The following DET1 variants were observed in gnomAD, a reference collection of about 807,000 sequenced individuals.
The protein encoded by DET1 is DET1 homolog.
DET1 carries 22 observed loss-of-function variants against 43.7 expected under a neutral mutation model. That is an observed-to-expected ratio of 0.50 (90% CI 0.36 to 0.72). The LOEUF is 0.72. Among genes scored for constraint, DET1 ranks in the 30% least tolerant of loss-of-function variants. The probability of loss-of-function intolerance (pLI) is 0.00; values close to 1 mark genes in which losing one functional copy is unlikely to be tolerated. For synonymous variants in DET1, 315 were observed against 266.2 expected (o/e 1.18, Z -1.79); for missense variants, 713 against 713.3 (o/e 1.00, Z 0.00).
chr15:88,534,413 G>T (rs1204809871), intron 1 of DET1, among the ~76,000 whole-genome samples: 2 of 152,194 alleles, frequency 1.3e-5, no homozygotes, highest in Non-Finnish European at 2.9e-5. Flanking sequence ...GGGCAGTGAG[G>T]TTAACATTGT....
At chr15:88,502,349 A>AT (rs1310978617) in intron 8 of DET1, 1 of 151,774 alleles carries the variant, frequency 6.6e-6, no homozygotes, top group Middle Eastern at 3.4e-3. Context: ...GCCCCTCTCT[A>AT]TTCTTTCAAC....
downstream of DET1, among the ~76,000 whole-genome samples, chr15:88,510,770 TG>T (rs372022348): frequency 4.1e-5 from 6 of 146,046 alleles, no homozygotes; most frequent in African/African-American, 1.5e-4. Flanking sequence ...TTTTTTTTTT[TG>T]TTTTTTTTTT....
At chr15:88,511,486 C>T (rs915786671), downstream of DET1, 17 of 985,326 alleles carry the variant, frequency 1.7e-5, no homozygotes, top group Non-Finnish European at 1.9e-5. Flanking sequence ...GAAACATCTT[C>T]AACTCTTGGT....
At chr15:88,529,251 T>G (rs2142303396) in intron 2 of DET1, among the ~76,000 whole-genome samples, 1 of 152,368 alleles carries the variant, frequency 6.6e-6, no homozygotes, top group South Asian at 2.1e-4. Context: ...TCTATGGCCC[T>G]GGACAACACT....
downstream of DET1, among the ~76,000 whole-genome samples, chr15:88,509,282 C>G (rs116214674): frequency 5.5e-3 from 840 of 152,284 alleles, 10 homozygotes; most frequent in African/African-American, 0.019. Flanking sequence ...TCCCAAAGCA[C>G]TGAGATTATA....
chr15:88,533,852 TA>T (rs368408722), intron 1 of DET1, among the ~76,000 whole-genome samples: 1,322 of 39,110 alleles, frequency 0.034, 31 homozygotes, highest in African/African-American at 0.087. Flanking sequence ...ACCCAATCTC[TA>T]AAAAAAAAAA....
At chr15:88,535,821 G>T (rs1002704155) in intron 1 of DET1, among the ~76,000 whole-genome samples, 2 of 151,782 alleles carry the variant, frequency 1.3e-5, no homozygotes, top group Non-Finnish European at 2.9e-5. Flanking sequence ...AGAAAGGAAG[G>T]AAAGAAGAAA....
At chr15:88,527,572 A>C (rs749814511) in intron 3 of DET1, 27 bp downstream of exon 3, 1 of 1,546,772 alleles carries the variant, frequency 6.5e-7, no homozygotes, top group South Asian at 1.2e-5. Context: ...TAAAGAAAAG[A>C]CTGTTGAGTC....
chr15:88,543,872 CA>C (rs2057177607), intron 1 of DET1, among the ~76,000 whole-genome samples: 1 of 152,130 alleles, frequency 6.6e-6, no homozygotes, highest in African/African-American at 2.4e-5. Flanking sequence ...AACCTGCGCC[CA>C]GGTAAATGCC....
At chr15:88,519,475 G>A (rs933853607) in intron 3 of DET1, among the ~76,000 whole-genome samples, 2 of 151,868 alleles carry the variant, frequency 1.3e-5, no homozygotes, top group African/African-American at 2.4e-5. Flanking sequence ...AGGGTAGACC[G>A]TCACGCTCTC....
chr15:88,545,021 C>T (rs1293231370), intron 1 of DET1, among the ~76,000 whole-genome samples: 1 of 152,094 alleles, frequency 6.6e-6, no homozygotes, highest in Non-Finnish European at 1.5e-5. Flanking sequence ...TGACTTTTAC[C>T]TCTGTCCTGG....
At chr15:88,530,503 G>T in intron 2 of DET1, 120 bp downstream of exon 2, 7 of 1,465,540 alleles carry the variant, frequency 4.8e-6, no homozygotes, top group Non-Finnish European at 6.3e-6. Context: ...TGGGCCCTAG[G>T]ATATCAATTC....
intron 7 of DET1, among the ~76,000 whole-genome samples, chr15:88,506,742 G>C (rs2056146061): frequency 6.6e-6 from 1 of 152,104 alleles, no homozygotes; most frequent in Non-Finnish European, 1.5e-5. Context: ...TTTATACTGT[G>C]CTTCTCTGCA....
rs752868372 is a variant in DET1, at chr15:88,513,150, A to T, written c.1464-10T>A. 37 of 1,600,876 alleles carry T rather than the reference A, an allele frequency of 2.3e-5. No individual in the cohort carries two copies. Among genetic ancestry groups the T allele is most frequent in the Non-Finnish European group, 2.9e-5 (34 of 1,172,910 alleles). ...GTCCCGGGCATAGAACCTAAAAAGA[A>T]CAAGGACAGAGACAGAGAAAGAGGG... On this transcript the variant is annotated splice_polypyrimidine_tract_variant and intron_variant, in intron 4 of 4. Coordinates refer to ENST00000268148, the MANE Select transcript of DET1 (RefSeq NM_001144074.3).
chr15:88,529,939 G>T (rs1199772170), intron 2 of DET1, among the ~76,000 whole-genome samples: 1 of 152,096 alleles, frequency 6.6e-6, no homozygotes, highest in Non-Finnish European at 1.5e-5. Context: ...TCCCCCTACT[G>T]AAAGAAAGGC....
At position 88,512,612 on chromosome 15, in the gene DET1, C is replaced by T; in HGVS notation, c.*339G>A. On this transcript the variant is annotated 3_prime_UTR_variant, in exon 5 of 5. Coordinates refer to ENST00000268148, the MANE Select transcript of DET1 (RefSeq NM_001144074.3). ...CTGCTTTCAGATGCAAACCATAATG[C>T]CGAAGAAGTGACATGAAGGGGATAA... is the stretch of plus-strand genomic sequence containing the variant. 9.6e-7 allele frequency: 1 copy of T among 1,041,354 alleles called. No individual in the cohort carries two copies. The highest frequency in any genetic ancestry group is 1.7e-5 in the African/African-American group (1 of 59,564). The allele number at this position is 1,041,354 out of a possible 1,614,324, so 64.5% of individuals were successfully genotyped here. A position where few individuals can be genotyped will look rare whatever the true frequency, so the allele number is the denominator to read the frequency against.
intron 2 of DET1, among the ~76,000 whole-genome samples, chr15:88,528,444 T>C (rs2056725609): frequency 6.6e-6 from 1 of 152,234 alleles, no homozygotes; most frequent in Non-Finnish European, 1.5e-5. Context: ...TTTTCCACTT[T>C]TTTCCTCATA....
At position 88,504,742 on chromosome 15, in the gene DET1, G is replaced by C. The variant is rs979378661; in HGVS notation, c.*2066-755C>G. The C allele has an allele frequency of 1.6e-4, 25 of 152,188 alleles. No individual in the cohort carries two copies. The highest frequency in any genetic ancestry group is 6.0e-4 in the African/African-American group (25 of 41,482). The allele number at this position is 152,188 out of a possible 1,614,324, so 9.4% of individuals were successfully genotyped here. Reference sequence around the variant, plus strand: ...AACCAGGGATAGCACCTAGACCCCAGGGCCCATCAAAATTCAAATTAGTCA... The same window carrying C: ...AACCAGGGATAGCACCTAGACCCCACGGCCCATCAAAATTCAAATTAGTCA... On this transcript the variant is annotated intron_variant and NMD_transcript_variant, in intron 7 of 8. Coordinates refer to the DET1 transcript ENST00000557842. The surrounding 1 kb of genome is among the most constrained non-coding windows in gnomAD (Gnocchi z 4.7).
chr15:88,528,171 C>T (rs1567065953), intron 2 of DET1, among the ~76,000 whole-genome samples: 1 of 152,226 alleles, frequency 6.6e-6, no homozygotes, highest in Non-Finnish European at 1.5e-5. Flanking sequence ...CCCCAACCCA[C>T]CCTGAAATAA....
Sources: gnomAD v4.1 joint callset for allele counts (sites outside exome capture counted in the v4.1 genomes callset) on GRCh38, gnomAD v4.1.1 for gene constraint, Gnocchi (gnomAD v3.1) non-coding constraint, MANE v1.5 for transcripts, NCBI Gene and HGNC (gene_info 2026-07-23, HGNC 2026-07-21) for gene names.